The following TMTC2 variants were observed in gnomAD, a reference collection of about 807,000 sequenced individuals.
TMTC2 encodes protein O-mannosyl-transferase TMTC2.
Under a neutral mutation model 82.4 loss-of-function variants are expected in TMTC2, and 43 were observed. The ratio of observed to expected loss-of-function variants is 0.52; its 90% CI spans 0.41 to 0.67. The LOEUF (loss-of-function observed/expected upper bound fraction) is 0.67, where lower values mean the gene tolerates loss of function less well. Among genes scored for constraint, TMTC2 ranks in the 30% least tolerant of loss-of-function variants. TMTC2 has a pLI of 0.00. For missense variants in TMTC2, 919 were observed against 1,012.4 expected (o/e 0.91, Z 1.25); for synonymous variants, 408 against 381.9 (o/e 1.07, Z -0.80).
intron 1 of TMTC2, among the ~76,000 whole-genome samples, chr12:82,836,350 C>T (rs756295400): frequency 2.0e-5 from 3 of 152,114 alleles, no homozygotes; most frequent in Admixed American, 2.0e-4. Flanking sequence ...GAATATTATC[C>T]TGGATTATCT....
chr12:82,830,010 C>T (rs1266553965), intron 1 of TMTC2, among the ~76,000 whole-genome samples: 1 of 152,134 alleles, frequency 6.6e-6, no homozygotes, highest in Admixed American at 6.5e-5. Flanking sequence ...TAATCCTGAA[C>T]TATGTAGAGA....
chr12:82,807,457 A>G (rs1419281061), intron 1 of TMTC2, among the ~76,000 whole-genome samples: 2 of 152,098 alleles, frequency 1.3e-5, no homozygotes, highest in Non-Finnish European at 2.9e-5. Context: ...TGCTACCTCT[A>G]GGAGATAAAG....
At chr12:82,857,693 T>A (rs1440952487) in intron 2 of TMTC2, 113 bp downstream of exon 2, 2 of 1,008,966 alleles carry the variant, frequency 2.0e-6, no homozygotes, top group Non-Finnish European at 2.8e-6. Flanking sequence ...TTAAAATAAG[T>A]TCCTTTTTGA....
intron 1 of TMTC2, among the ~76,000 whole-genome samples, chr12:82,733,296 T>C (rs141410478): frequency 6.6e-6 from 1 of 152,344 alleles, no homozygotes; most frequent in East Asian, 1.9e-4. Context: ...TTTACTGCTA[T>C]TTCAGTTCAG....
intron 11 of TMTC2, among the ~76,000 whole-genome samples, chr12:83,097,410 C>A (rs1178951591): frequency 6.6e-6 from 1 of 152,144 alleles, no homozygotes; most frequent in African/African-American, 2.4e-5. Context: ...ACTCTTTGCT[C>A]CCGGCTTTAT....
intron 1 of TMTC2, among the ~76,000 whole-genome samples, chr12:82,844,312 A>T (rs115008271): frequency 1.3e-5 from 2 of 152,254 alleles, no homozygotes; most frequent in Admixed American, 1.3e-4. Context: ...TGTACAGCAC[A>T]TGCGTAAAGG....
At chr12:83,056,695 C>A (rs1882557041) in intron 10 of TMTC2, among the ~76,000 whole-genome samples, 2 of 151,854 alleles carry the variant, frequency 1.3e-5, no homozygotes, top group South Asian at 4.1e-4. Context: ...TCCAAACTTA[C>A]CAAAACCACG....
intron 9 of TMTC2, among the ~76,000 whole-genome samples, chr12:83,036,454 T>A (rs1198955226): frequency 6.6e-6 from 1 of 151,436 alleles, no homozygotes; most frequent in East Asian, 1.9e-4. Flanking sequence ...TTGCCATCTA[T>A]CTTATGTTTT....
intron 2 of TMTC2, among the ~76,000 whole-genome samples, chr12:82,880,184 G>A (rs144166987): frequency 1.3e-5 from 2 of 152,248 alleles, no homozygotes; most frequent in African/African-American, 4.8e-5. Context: ...AAAATTTCTG[G>A]TGTGTTTCAT....
chr12:82,894,807 A>AT (rs1426347141), intron 2 of TMTC2, among the ~76,000 whole-genome samples: 1 of 151,708 alleles, frequency 6.6e-6, no homozygotes, highest in Non-Finnish European at 1.5e-5. Flanking sequence ...ATTTTATTTT[A>AT]TTTTTTATTT....
At chr12:82,960,250 A>G (rs1023566883) in intron 4 of TMTC2, among the ~76,000 whole-genome samples, 20 of 152,182 alleles carry the variant, frequency 1.3e-4, no homozygotes, top group Admixed American at 3.9e-4. Context: ...AAACAGAACT[A>G]CCATTTGACC....
chr12:82,959,391 C>A (rs886821809), intron 4 of TMTC2, among the ~76,000 whole-genome samples: 2 of 151,992 alleles, frequency 1.3e-5, no homozygotes, highest in African/African-American at 4.8e-5. Flanking sequence ...AAAGAACAAA[C>A]CCAGAGGCAT....
intron 4 of TMTC2, among the ~76,000 whole-genome samples, chr12:82,932,679 T>C (rs1876104764): frequency 1.3e-5 from 2 of 152,176 alleles, no homozygotes; most frequent in South Asian, 4.1e-4. Context: ...GGGGGCCTCT[T>C]GCCTTGCAGT....
At chr12:82,746,358 A>C (rs958589349) in intron 1 of TMTC2, among the ~76,000 whole-genome samples, 5 of 152,178 alleles carry the variant, frequency 3.3e-5, no homozygotes, top group African/African-American at 1.2e-4. Flanking sequence ...GGCTCAATTA[A>C]TAGTAGTATT....
intron 11 of TMTC2, among the ~76,000 whole-genome samples, chr12:83,078,048 T>C (rs1883347671): frequency 1.3e-5 from 2 of 152,090 alleles, no homozygotes; most frequent in Non-Finnish European, 1.5e-5. Flanking sequence ...GGAGAATTCT[T>C]GCTGAACTGA....
intron 8 of TMTC2, among the ~76,000 whole-genome samples, chr12:83,003,491 A>C (rs7300355): frequency 6.6e-6 from 1 of 151,982 alleles, no homozygotes; most frequent in Non-Finnish European, 1.5e-5. Flanking sequence ...ACTTGATTGT[A>C]TAGTTGTTAT....
At chr12:82,850,501 C>T (rs950398530) in intron 1 of TMTC2, among the ~76,000 whole-genome samples, 1 of 151,806 alleles carries the variant, frequency 6.6e-6, no homozygotes, top group African/African-American at 2.4e-5. Context: ...TGGATATGAC[C>T]ACCAAAGAGG....
chr12:83,033,731 A>G (rs1430328650), intron 9 of TMTC2, among the ~76,000 whole-genome samples: 1 of 151,954 alleles, frequency 6.6e-6, no homozygotes, highest in South Asian at 2.1e-4. Flanking sequence ...AGCCTGGGTG[A>G]GAGAGCAAGA....
At chr12:83,090,886 G>T (rs1205237496) in intron 11 of TMTC2, among the ~76,000 whole-genome samples, 3 of 152,112 alleles carry the variant, frequency 2.0e-5, no homozygotes, top group Admixed American at 2.0e-4. Flanking sequence ...AGGCATAAAC[G>T]AGATAGCCCG....
Sources: gnomAD v4.1 joint callset for allele counts (sites outside exome capture counted in the v4.1 genomes callset) on GRCh38, gnomAD v4.1.1 for gene constraint, MANE v1.5 for transcripts, NCBI Gene and HGNC (gene_info 2026-07-23, HGNC 2026-07-21) for gene names.